Variants in NAV1 observed in about 807,000 individuals in gnomAD.
NAV1 encodes the protein neuron navigator 1, also known as pore membrane and/or filament interacting like protein 3.
Under a neutral mutation model 175.2 loss-of-function variants are expected in NAV1, and 18 were observed. The observed-to-expected ratio is 0.10, with a 90% CI of 0.07 to 0.15. NAV1 has a LOEUF of 0.15. Among genes scored for constraint, NAV1 ranks in the 10% least tolerant of loss-of-function variants. NAV1 has a pLI of 1.00. For synonymous variants in NAV1, 897 were observed against 978.7 expected (o/e 0.92, Z 1.56); for missense variants, 1,731 against 2,436.6 (o/e 0.71, Z 6.10).
chr1:201,810,402 G>T lies in NAV1; in HGVS notation c.4562-121G>T. The T allele has an allele frequency of 1.0e-6, 1 of 959,804 alleles. No homozygotes were observed. 59.5% of individuals were successfully genotyped at this position (959,804 alleles called of 1,614,324 possible). A position where few individuals can be genotyped will look rare whatever the true frequency, so the allele number is the denominator to read the frequency against. ...GGTTAAGGGACTCTTATGGAACCAT[G>T]GGGCAAGTGGCTCTGAGTTTCTTCA... is the stretch of plus-strand genomic sequence containing the variant. On this transcript the variant is annotated intron_variant, in intron 23 of 29. Transcript: ENST00000367296. The surrounding 1 kb of genome is among the most constrained non-coding windows in gnomAD (Gnocchi z 6.0).
chr1:201,573,439 T>A (rs1022740800), intron 1 of NAV1, among the ~76,000 whole-genome samples: 3 of 152,194 alleles, frequency 2.0e-5, no homozygotes, highest in Non-Finnish European at 4.4e-5. Context: ...TGGAGCCATG[T>A]GACCCCAGGT....
chr1:201,779,229 A>G lies in NAV1; in HGVS notation c.1227-1192A>G, dbSNP rs186632640. ...AAAGATAGAATAAGAGGAAATTAATATAAATGGTAGAGGAGGCTAGTTTTG... is the reference window on the plus strand; with the variant it reads ...AAAGATAGAATAAGAGGAAATTAATGTAAATGGTAGAGGAGGCTAGTTTTG... On this transcript the variant is annotated intron_variant, in intron 3 of 29. Transcript: ENST00000367296. 1.1e-4 allele frequency among the ~76,000 whole-genome samples: 17 copies of G among 152,316 alleles called. No homozygotes were observed. The East Asian group carries it at 1.2e-3, about 10-fold the overall frequency.
At chr1:201,684,665 G>C (rs1670606613) in intron 1 of NAV1, among the ~76,000 whole-genome samples, 2 of 151,592 alleles carry the variant, frequency 1.3e-5, no homozygotes, top group Non-Finnish European at 2.9e-5. Context: ...GTAGAGACAG[G>C]GGTTTCACCA....
chr1:201,578,671 C>T (rs1422287499), intron 1 of NAV1, among the ~76,000 whole-genome samples: 1 of 152,216 alleles, frequency 6.6e-6, no homozygotes, highest in Non-Finnish European at 1.5e-5. Flanking sequence ...GGCACTTCAT[C>T]ATGGCCTGGT....
At chr1:201,542,301 C>T (rs1665536490) in intron 1 of NAV1, among the ~76,000 whole-genome samples, 1 of 152,214 alleles carries the variant, frequency 6.6e-6, no homozygotes, top group African/African-American at 2.4e-5. Context: ...GTCAAGACAG[C>T]TATCTCTGTG....
At position 201,591,269 on chromosome 1, in the gene NAV1, G is replaced by T. The variant is rs1558009520; in HGVS notation, c.-33+2620G>T. Among the ~76,000 whole-genome samples the T allele has an allele frequency of 2.0e-5, 3 of 152,162 alleles. No individual in the cohort carries two copies. In the South Asian group the frequency reaches 6.2e-4, roughly 32 times the overall value. On this transcript the variant is annotated intron_variant, in intron 2 of 33. Transcript: ENST00000685211. ...TTCTTCTCATCCTTAATGTGCGATGGGGTCACCTGGGGGAGACGAGGCAAG... is the reference window on the plus strand; with the variant it reads ...TTCTTCTCATCCTTAATGTGCGATGTGGTCACCTGGGGGAGACGAGGCAAG...
chr1:201,747,333 A>G (rs778661751), intron 3 of NAV1, among the ~76,000 whole-genome samples: 7 of 152,230 alleles, frequency 4.6e-5, no homozygotes, highest in Non-Finnish European at 7.3e-5. Flanking sequence ...ATAGTTCTAT[A>G]AGACTATACT....
intron 3 of NAV1, among the ~76,000 whole-genome samples, chr1:201,747,829 T>C (rs1426608733): frequency 6.6e-6 from 1 of 152,238 alleles, no homozygotes; most frequent in East Asian, 1.9e-4. Context: ...TCCTAAATTC[T>C]AGATAAACAT....
chr1:201,628,086 C>T (rs1399704800), intron 1 of NAV1, among the ~76,000 whole-genome samples: 2 of 150,998 alleles, frequency 1.3e-5, no homozygotes, highest in African/African-American at 4.9e-5. Flanking sequence ...CTGTAGTGAG[C>T]CTTGATCATA....
intron 2 of NAV1, among the ~76,000 whole-genome samples, chr1:201,634,644 G>A (rs895609827): frequency 6.6e-6 from 1 of 152,220 alleles, no homozygotes; most frequent in Non-Finnish European, 1.5e-5. Context: ...AGTACAGGAG[G>A]AGGGAGGAGA....
intron 1 of NAV1, among the ~76,000 whole-genome samples, chr1:201,546,733 G>A (rs1052133433): frequency 3.3e-5 from 5 of 151,474 alleles, no homozygotes; most frequent in South Asian, 4.2e-4. Context: ...GTAAAACCCC[G>A]TCTCTACTAA....
chr1:201,740,184 C>T lies in NAV1; in HGVS notation c.1226+21429C>T. 2.2e-6 allele frequency: 2 copies of T among 926,760 alleles called. No homozygotes were observed. Among genetic ancestry groups the T allele is most frequent in the Non-Finnish European group, 3.1e-6 (2 of 645,666 alleles). The allele number at this position is 926,760 out of a possible 1,614,324, so 57.4% of individuals were successfully genotyped here. On this transcript the variant is annotated intron_variant, in intron 3 of 29. Coordinates refer to ENST00000367296, the Ensembl canonical transcript of NAV1. The surrounding 1 kb of genome is among the most constrained non-coding windows in gnomAD (Gnocchi z 4.7). ...CCCCCAGTTCCGCCGCAGCTGCAGT[C>T]TCAGGGGCAGTGGGTGTGGGGTCCG...
At chr1:201,729,109 G>C (rs1431717195) in intron 3 of NAV1, among the ~76,000 whole-genome samples, 1 of 152,176 alleles carries the variant, frequency 6.6e-6, no homozygotes, top group Admixed American at 6.5e-5. Flanking sequence ...CCTGTCCACT[G>C]TCTCCCCTCT....
chr1:201,587,551 T>C (rs996455864), intron 1 of NAV1, among the ~76,000 whole-genome samples: 3 of 151,760 alleles, frequency 2.0e-5, no homozygotes, highest in African/African-American at 7.3e-5. Context: ...CCAGGCATGG[T>C]GGTGTGCCTG....
At chr1:201,710,233 G>A (rs659963) in intron 1 of NAV1, among the ~76,000 whole-genome samples, 5,494 of 148,722 alleles carry the variant, frequency 0.037, 156 homozygotes, top group South Asian at 0.065. Context: ...ATGGGTTTTT[G>A]GAAATTTTAA....
Position 201,718,971 on chromosome 1 carries a change from A to G in NAV1, c.1226+216A>G, listed in dbSNP as rs1672255493. Among the ~76,000 whole-genome samples the G allele has an allele frequency of 6.6e-6, 1 of 151,884 alleles. No homozygotes were observed. Among genetic ancestry groups the G allele is most frequent in the Non-Finnish European group, 1.5e-5 (1 of 67,958 alleles). On this transcript the variant is annotated intron_variant, in intron 3 of 29. Coordinates refer to ENST00000367296, the Ensembl canonical transcript of NAV1. The surrounding 1 kb of genome is among the most constrained non-coding windows in gnomAD (Gnocchi z 4.8). Reference sequence around the variant, plus strand: ...GTGGTGTAGGCAGGGCCTACATCCAAGGAGCTGATTGGTCAATGAAGGCGC... The same window carrying G: ...GTGGTGTAGGCAGGGCCTACATCCAGGGAGCTGATTGGTCAATGAAGGCGC...
At chr1:201,668,728 C>T (rs1469718873) in intron 1 of NAV1, among the ~76,000 whole-genome samples, 2 of 152,148 alleles carry the variant, frequency 1.3e-5, no homozygotes, top group African/African-American at 4.8e-5. Context: ...GGTTCCTAGT[C>T]TCGTGGGCTT....
At chr1:201,661,695 A>G (rs1049491822) in intron 1 of NAV1, among the ~76,000 whole-genome samples, 2 of 152,150 alleles carry the variant, frequency 1.3e-5, no homozygotes, top group African/African-American at 2.4e-5. Flanking sequence ...AGGCTGGCAC[A>G]TGGCTGGTTC....
chr1:201,602,223 CTCTTT>C (rs1667538056), intron 2 of NAV1, among the ~76,000 whole-genome samples: 1 of 152,222 alleles, frequency 6.6e-6, no homozygotes, highest in Non-Finnish European at 1.5e-5. Flanking sequence ...CAGTTTCAAG[CTCTTT>C]TCTTTATGTT....
Sources: gnomAD v4.1 joint callset for allele counts (sites outside exome capture counted in the v4.1 genomes callset) on GRCh38, gnomAD v4.1.1 for gene constraint, Gnocchi (gnomAD v3.1) non-coding constraint, MANE v1.5 for transcripts, NCBI Gene and HGNC (gene_info 2026-07-23, HGNC 2026-07-21) for gene names.